The following DNMT3B variants were observed in gnomAD, a reference collection of about 807,000 sequenced individuals.
The protein encoded by DNMT3B is DNA (cytosine-5)-methyltransferase 3B.
Under a neutral mutation model 120.2 loss-of-function variants are expected in DNMT3B, and 37 were observed. The observed-to-expected ratio is 0.31, with a 90% CI of 0.24 to 0.40. The LOEUF (loss-of-function observed/expected upper bound fraction) is 0.40, where lower values mean the gene tolerates loss of function less well. Ranked by LOEUF, DNMT3B falls within the 10% of genes least tolerant of loss-of-function variation. The pLI is 1.00. For missense variants in DNMT3B, 878 were observed against 1,137.3 expected, an observed-to-expected ratio of 0.77 and a Z score of 3.28; for synonymous variants, 412 against 442.8, an observed-to-expected ratio of 0.93 and a Z score of 0.87.
Position 32,784,853 on chromosome 20 carries a change from C to T in DNMT3B, c.300C>T (p.Ser100=), listed in dbSNP as rs529667183. Residue 100 remains serine (S), a synonymous_variant, in exon 4 of 23, where the codon AGC becomes AGT. Transcript: ENST00000328111. The stretch of plus-strand genomic sequence containing the variant: ...GGGAAACCAGGACTCGTTCAGAAAG[C>T]CCAGCTGTAAGTAGCCACACCTCGA... The part of the protein sequence containing the change: ...LFRETRTRSE[S]PAVRTRNNNS... 44 of 1,614,092 alleles carry T rather than the reference C, an allele frequency of 2.7e-5. No homozygotes were observed. The South Asian group carries it at 4.8e-4, about 18-fold the overall frequency.
intron 2 of DNMT3B, 25 bp from the exon 3 acceptor site, chr20:32,781,328 A>G: frequency 1.9e-6 from 3 of 1,576,890 alleles, no homozygotes; most frequent in Non-Finnish European, 2.6e-6. Flanking sequence ...CCCACAAAAC[A>G]GACTCCTGGC....
intron 1 of DNMT3B, among the ~76,000 whole-genome samples, chr20:32,765,880 C>T (rs1987335586): frequency 6.6e-6 from 1 of 151,520 alleles, no homozygotes; most frequent in Non-Finnish European, 1.5e-5. Context: ...CTCAGCCTCC[C>T]AAGTAGCTGG....
chr20:32,801,897 A>G (rs1013214192), intron 19 of DNMT3B, among the ~76,000 whole-genome samples: 3 of 152,204 alleles, frequency 2.0e-5, no homozygotes, highest in African/African-American at 7.2e-5. Context: ...TACAAGGAAA[A>G]TAATTGATCT....
chr20:32,784,072 A>G (rs375496259), intron 3 of DNMT3B, among the ~76,000 whole-genome samples: 2 of 152,150 alleles, frequency 1.3e-5, no homozygotes, highest in African/African-American at 2.4e-5. Flanking sequence ...ACATGCCACC[A>G]TGCCCTGCTA....
chr20:32,784,122 G>A (rs1978969827), intron 3 of DNMT3B, among the ~76,000 whole-genome samples: 1 of 152,152 alleles, frequency 6.6e-6, no homozygotes, highest in Admixed American at 6.5e-5. Flanking sequence ...TCGCCATATT[G>A]GCCAGGCTGG....
chr20:32,777,186 G>A (rs150124889), intron 1 of DNMT3B, among the ~76,000 whole-genome samples: 111 of 152,258 alleles, frequency 7.3e-4, no homozygotes, highest in African/African-American at 2.6e-3. Flanking sequence ...CATTTATTGT[G>A]GGTTTTCTTC....
chr20:32,768,727 C>T (rs1404177979), intron 1 of DNMT3B, among the ~76,000 whole-genome samples: 1 of 152,106 alleles, frequency 6.6e-6, no homozygotes, highest in East Asian at 1.9e-4. Flanking sequence ...AACTAGGGTC[C>T]CACTGAGCCA....
intron 8 of DNMT3B, 72 bp from the exon 9 acceptor site, chr20:32,792,554 G>T: frequency 6.2e-7 from 1 of 1,612,026 alleles, no homozygotes; most frequent in Non-Finnish European, 8.5e-7. Flanking sequence ...CCTGGCTGGG[G>T]GAATCCCTGG....
intron 3 of DNMT3B, among the ~76,000 whole-genome samples, chr20:32,783,286 ATT>A (rs928794889): frequency 2.0e-5 from 3 of 151,994 alleles, no homozygotes. Flanking sequence ...GGCTCAAGGA[ATT>A]TTTTTTACAA....
chr20:32,788,799 TTGGCCCAGGA>T, intron 6 of DNMT3B, 45 bp from the exon 7 acceptor site: 2 of 1,612,228 alleles, frequency 1.2e-6, no homozygotes, highest in Non-Finnish European at 1.7e-6. Context: ...TGGACAGGAC[TTGGCCCAGGA>T]TGGCCTCTCC....
chr20:32,798,752 C>T (rs1219591997), intron 15 of DNMT3B, 109 bp downstream of exon 15: 3 of 1,483,786 alleles, frequency 2.0e-6, no homozygotes, highest in East Asian at 2.3e-5. Flanking sequence ...CGTTGTACCT[C>T]TTGGAGCCTC....
At chr20:32,802,551 A>G in intron 20 of DNMT3B, 81 bp downstream of exon 20, 1 of 1,398,130 alleles carries the variant, frequency 7.2e-7, no homozygotes, top group South Asian at 1.2e-5. Context: ...GCCTTCCTAG[A>G]AAGACCTGGC....
chr20:32,792,854 A>G (rs975536391), intron 9 of DNMT3B, 84 bp downstream of exon 9: 1 of 1,581,166 alleles, frequency 6.3e-7, no homozygotes, highest in Non-Finnish European at 8.6e-7. Flanking sequence ...CTGCTGCCCC[A>G]CACCCCACCC....
At chr20:32,767,764 G>C (rs1987474740) in intron 1 of DNMT3B, among the ~76,000 whole-genome samples, 1 of 152,222 alleles carries the variant, frequency 6.6e-6, no homozygotes, top group Admixed American at 6.5e-5. Context: ...GCCTCAGCCT[G>C]CATGTCTGAA....
intron 14 of DNMT3B, among the ~76,000 whole-genome samples, 198 bp from the exon 15 acceptor site, chr20:32,798,262 G>A (rs939040818): frequency 6.6e-6 from 1 of 152,206 alleles, no homozygotes; most frequent in African/African-American, 2.4e-5. Context: ...GAGCCTGTGG[G>A]ATTAAGGGGG....
chr20:32,787,936 G>T (rs1042599768), intron 6 of DNMT3B, among the ~76,000 whole-genome samples: 1 of 152,050 alleles, frequency 6.6e-6, no homozygotes, highest in Admixed American at 6.6e-5. Context: ...GGCAGGAGTG[G>T]GGGTCTCAAG....
At chr20:32,779,912 C>A (rs1978366675) in intron 1 of DNMT3B, 1 of 650,406 alleles carries the variant, frequency 1.5e-6, no homozygotes, top group Admixed American at 2.5e-5. Flanking sequence ...TCCTGAGCCC[C>A]TGCAGAGGCT....
intron 1 of DNMT3B, among the ~76,000 whole-genome samples, chr20:32,766,371 T>C (rs1291262661): frequency 1.3e-5 from 2 of 151,798 alleles, no homozygotes; most frequent in East Asian, 1.9e-4. Context: ...TAGATATAGA[T>C]AGCTTAAGTT....
rs41289866 is a variant in DNMT3B, at chr20:32,784,877, G to A, written c.306+18G>A. 8 of 1,613,324 alleles carry A rather than the reference G, an allele frequency of 5.0e-6. No homozygotes were observed. The highest frequency in any genetic ancestry group is 2.2e-5 in the East Asian group (1 of 44,878). Reference sequence around the variant, plus strand: ...GCCCAGCTGTAAGTAGCCACACCTCGAGCCAAAGCACTTGTGGCCAACACT... The same window carrying A: ...GCCCAGCTGTAAGTAGCCACACCTCAAGCCAAAGCACTTGTGGCCAACACT... On this transcript the variant is annotated intron_variant, in intron 4 of 22. Transcript: ENST00000328111.
Sources: gnomAD v4.1 joint callset for allele counts (sites outside exome capture counted in the v4.1 genomes callset) on GRCh38, gnomAD v4.1.1 for gene constraint, MANE v1.5 for transcripts, NCBI Gene and HGNC (gene_info 2026-07-23, HGNC 2026-07-21) for gene names.